Variants in DLG1 observed in about 807,000 individuals in gnomAD.
DLG1 encodes the protein disks large homolog 1.
A neutral mutation model predicts 123.4 loss-of-function variants in DLG1; 42 were observed. That is an observed-to-expected ratio of 0.34 (90% CI 0.27 to 0.44). The LOEUF is 0.44. Ranked by LOEUF, DLG1 falls within the 20% of genes least tolerant of loss-of-function variation. DLG1 has a pLI of 1.00. For synonymous variants in DLG1, 317 were observed against 356.2 expected (o/e 0.89, Z 1.24); for missense variants, 942 against 1,082.6 (o/e 0.87, Z 1.82).
chr3:197,060,683 C>T (rs913924490), intron 22 of DLG1, among the ~76,000 whole-genome samples: 1 of 152,198 alleles, frequency 6.6e-6, no homozygotes, highest in Non-Finnish European at 1.5e-5. Flanking sequence ...ACTTTTCTGA[C>T]AAGCTTAAAC....
At chr3:197,182,127 A>T (rs1378204466) in intron 5 of DLG1, among the ~76,000 whole-genome samples, 1 of 138,844 alleles carries the variant, frequency 7.2e-6, no homozygotes, top group Non-Finnish European at 1.6e-5. Context: ...CATTTACATA[A>T]ACCATATATA....
intron 4 of DLG1, among the ~76,000 whole-genome samples, chr3:197,257,783 A>G (rs778861638): frequency 6.6e-6 from 1 of 152,208 alleles, no homozygotes; most frequent in Admixed American, 6.5e-5. Context: ...TATTGCTAAC[A>G]TAAGAAAATA....
chr3:197,096,323 T>C (rs548523190), intron 14 of DLG1, among the ~76,000 whole-genome samples: 1 of 152,328 alleles, frequency 6.6e-6, no homozygotes, highest in South Asian at 2.1e-4. Context: ...CTAACATATA[T>C]ATTAATTTGG....
chr3:197,104,513 C>T lies in DLG1; in HGVS notation c.1546+390G>A, dbSNP rs1290897659. ...CCTGACCAACATGGAGAAACTCTAT[C>T]TCTACTAAAAATACAAAAAATTAGC... On this transcript the variant is annotated intron_variant, in intron 14 of 24. Coordinates refer to ENST00000667157, the MANE Select transcript of DLG1 (RefSeq NM_001366207.1). Among the ~76,000 whole-genome samples the T allele has an allele frequency of 4.6e-5, 7 of 152,200 alleles. No homozygotes were observed. The East Asian group carries it at 1.4e-3, about 29-fold the overall frequency.
chr3:197,069,034 A>G (rs1481822841), intron 19 of DLG1, among the ~76,000 whole-genome samples, 185 bp downstream of exon 19: 1 of 152,102 alleles, frequency 6.6e-6, no homozygotes, highest in Non-Finnish European at 1.5e-5. Context: ...AATTTTATAA[A>G]TTAACCTCTA....
At chr3:197,183,037 C>T (rs6769726) in intron 5 of DLG1, among the ~76,000 whole-genome samples, 114,905 of 152,052 alleles carry the variant, frequency 0.76, 43,547 homozygotes, top group East Asian at 0.82. Flanking sequence ...TTACAAAAAA[C>T]GATTCATTAA....
At chr3:197,230,389 C>T (rs1411244044) in intron 4 of DLG1, among the ~76,000 whole-genome samples, 3 of 152,126 alleles carry the variant, frequency 2.0e-5, no homozygotes, top group Non-Finnish European at 4.4e-5. Flanking sequence ...ACAAGAGCAA[C>T]ACCCAACCAA....
At chr3:197,197,561 G>A (rs1189882798) in intron 4 of DLG1, among the ~76,000 whole-genome samples, 1 of 152,172 alleles carries the variant, frequency 6.6e-6, no homozygotes, top group African/African-American at 2.4e-5. Context: ...CTCCTAAGGT[G>A]ATCAGTTAGG....
rs188848052 is a variant in DLG1, at chr3:197,179,119, T to C, written c.483+15306A>G. Among the ~76,000 whole-genome samples the C allele has an allele frequency of 3.4e-4, 52 of 152,266 alleles. No homozygotes were observed. In the East Asian group the frequency reaches 6.6e-3, roughly 19 times the overall value. ...TGAGAATAAGACCAGGAATCAGGTATTGGAAGTTTAACGTGCAGTCTGCGA... is the reference window on the plus strand; with the variant it reads ...TGAGAATAAGACCAGGAATCAGGTACTGGAAGTTTAACGTGCAGTCTGCGA... On this transcript the variant is annotated intron_variant, in intron 5 of 24. Transcript: ENST00000667157.
chr3:197,174,967 C>T (rs1806217435), intron 5 of DLG1, among the ~76,000 whole-genome samples: 1 of 152,124 alleles, frequency 6.6e-6, no homozygotes, highest in African/African-American at 2.4e-5. Flanking sequence ...TTCACAGATA[C>T]TGAAAATACT....
chr3:197,055,416 AT>A lies in DLG1; in HGVS notation c.2484-3749del, dbSNP rs532001585. Among the ~76,000 whole-genome samples, 70 of 151,984 alleles carry A rather than the reference AT, an allele frequency of 4.6e-4. 1 individual carries two copies. The South Asian group carries it at 0.014, about 31-fold the overall frequency. On this transcript the variant is annotated intron_variant, in intron 23 of 24. Coordinates refer to ENST00000667157, the MANE Select transcript of DLG1 (RefSeq NM_001366207.1). Reference sequence around the variant, plus strand: ...TTCCTGTTTCTTCGTATGTCTTGTGATTTTTTTGTGGGAAACTACACATTTA... The same window carrying A: ...TTCCTGTTTCTTCGTATGTCTTGTGATTTTTTGTGGGAAACTACACATTTA...
At chr3:197,072,987 G>A (rs1000246161) in intron 18 of DLG1, among the ~76,000 whole-genome samples, 16 of 152,258 alleles carry the variant, frequency 1.1e-4, no homozygotes, top group South Asian at 8.3e-4. Flanking sequence ...GTGAGTCACC[G>A]CGCCCAGCCT....
intron 4 of DLG1, among the ~76,000 whole-genome samples, chr3:197,271,936 C>T (rs1764079442): frequency 6.6e-6 from 1 of 152,126 alleles, no homozygotes; most frequent in Admixed American, 6.5e-5. Flanking sequence ...AGGATACGAG[C>T]CACCTAAGAA....
intron 4 of DLG1, among the ~76,000 whole-genome samples, chr3:197,238,650 C>G (rs548734338): frequency 4.6e-4 from 70 of 152,112 alleles, no homozygotes; most frequent in Non-Finnish European, 8.8e-4. Flanking sequence ...CCAGCTACAA[C>G]TGGATGAAGT....
intron 5 of DLG1, among the ~76,000 whole-genome samples, chr3:197,190,581 C>A (rs1471116743): frequency 6.6e-6 from 1 of 152,196 alleles, no homozygotes; most frequent in African/African-American, 2.4e-5. Context: ...CACAATGCTT[C>A]GCAACTGTGC....
At chr3:197,225,687 A>G (rs1739502003) in intron 4 of DLG1, among the ~76,000 whole-genome samples, 1 of 152,346 alleles carries the variant, frequency 6.6e-6, no homozygotes, top group East Asian at 1.9e-4. Flanking sequence ...TTTCTACTAT[A>G]TCTTAACTGT....
chr3:197,271,023 A>C (rs1178489183), intron 4 of DLG1, among the ~76,000 whole-genome samples: 1 of 152,200 alleles, frequency 6.6e-6, no homozygotes, highest in Non-Finnish European at 1.5e-5. Context: ...AAAGAAGATA[A>C]GGAAGACTAT....
At chr3:197,265,911 G>A (rs567382914) in intron 4 of DLG1, among the ~76,000 whole-genome samples, 6 of 152,210 alleles carry the variant, frequency 3.9e-5, no homozygotes, top group African/African-American at 1.4e-4. Flanking sequence ...TTAGCCAGGC[G>A]TGGTGGCACA....
intron 8 of DLG1, 30 bp from the exon 9 acceptor site, chr3:197,138,421 AAATT>A: frequency 2.6e-6 from 3 of 1,159,400 alleles, no homozygotes; most frequent in Non-Finnish European, 3.3e-6. Context: ...TTAAAAATAA[AAATT>A]AAATATAATT....
Sources: allele counts gnomAD v4.1 joint callset (sites outside exome capture counted in the v4.1 genomes callset), GRCh38; gene constraint gnomAD v4.1.1; transcripts MANE v1.5; gene names NCBI Gene and HGNC (gene_info 2026-07-23, HGNC 2026-07-21).